The following HORMAD2 variants were observed in gnomAD, a reference collection of about 807,000 sequenced individuals.
HORMAD2 encodes HORMA domain-containing protein 2.
A neutral mutation model predicts 38.8 loss-of-function variants in HORMAD2; 45 were observed. The observed-to-expected ratio is 1.16, with a 90% CI of 0.91 to 1.49. HORMAD2 has a LOEUF of 1.49. Among genes scored for constraint, HORMAD2 ranks in the 40% most tolerant of loss-of-function variants. The pLI is 0.00. For synonymous variants in HORMAD2, 126 were observed against 122.8 expected (o/e 1.03, Z -0.17); for missense variants, 338 against 367.0 (o/e 0.92, Z 0.65).
At chr22:30,090,250 C>G (rs1469379097) in intron 1 of HORMAD2, among the ~76,000 whole-genome samples, 3 of 152,218 alleles carry the variant, frequency 2.0e-5, no homozygotes, top group African/African-American at 4.8e-5. Context: ...GTAGTCCCAG[C>G]TACTCGAGAG....
At chr22:30,122,797 G>T (rs911583546) in intron 10 of HORMAD2, among the ~76,000 whole-genome samples, 2 of 152,148 alleles carry the variant, frequency 1.3e-5, no homozygotes, top group African/African-American at 2.4e-5. Context: ...CACCAATAGA[G>T]ACTTGGAGTT....
chr22:30,157,147 T>G (rs1925130556), intron 10 of HORMAD2, among the ~76,000 whole-genome samples: 1 of 152,112 alleles, frequency 6.6e-6, no homozygotes, highest in African/African-American at 2.4e-5. Flanking sequence ...TTGGAGACCA[T>G]GAAAGGGAAA....
downstream of HORMAD2, among the ~76,000 whole-genome samples, chr22:30,181,689 T>C (rs1350300492): frequency 1.3e-5 from 2 of 152,202 alleles, no homozygotes; most frequent in African/African-American, 4.8e-5. Flanking sequence ...ACAGACACAT[T>C]CTGTGTTGTT....
At chr22:30,103,569 C>T in intron 4 of HORMAD2, 69 bp downstream of exon 4, 1 of 627,962 alleles carries the variant, frequency 1.6e-6, no homozygotes, top group Non-Finnish European at 2.7e-6. Context: ...ACCCATAAGA[C>T]TTTATTTAGT....
intron 10 of HORMAD2, among the ~76,000 whole-genome samples, chr22:30,173,847 C>T (rs562246897): frequency 1.9e-4 from 29 of 152,026 alleles, no homozygotes; most frequent in African/African-American, 6.5e-4. Flanking sequence ...TTAAAGGGAG[C>T]GAATAAAGGA....
intron 5 of HORMAD2, among the ~76,000 whole-genome samples, chr22:30,107,871 GA>G (rs1303986177): frequency 6.9e-6 from 1 of 145,002 alleles, no homozygotes; most frequent in Non-Finnish European, 1.5e-5. Flanking sequence ...AATTTTGTGT[GA>G]TTTTTTTTTT....
intron 10 of HORMAD2, among the ~76,000 whole-genome samples, chr22:30,143,789 G>A (rs914521611): frequency 6.6e-6 from 1 of 152,154 alleles, no homozygotes; most frequent in Admixed American, 6.6e-5. Context: ...CCTGATGGGA[G>A]GTGTTTGGGT....
chr22:30,112,509 C>T lies in HORMAD2; in HGVS notation c.329C>T (p.Pro110Leu). The change falls in exon 7 of 11, where the codon CCC becomes CTC. Residue 110 changes from proline (P) to leucine (L), a missense_variant. Transcript: ENST00000336726. ...RMAVLTLYTD[P>L]MGSEKVTEMY... is the part of the protein sequence containing the mutation. ...TCCCTTATACAGCTTTACACAGATC[C>T]CATGGGATCTGAGGTAAGAACACAC... 2 of 1,390,302 alleles carry T rather than the reference C, an allele frequency of 1.4e-6. No individual in the cohort carries two copies. The highest frequency in any genetic ancestry group is 2.9e-5 in the East Asian group (1 of 34,758). 86.1% of individuals were successfully genotyped at this position (1,390,302 alleles called of 1,614,324 possible).
chr22:30,100,677 A>G (rs1297785124), intron 3 of HORMAD2, among the ~76,000 whole-genome samples: 1 of 152,244 alleles, frequency 6.6e-6, no homozygotes, highest in Non-Finnish European at 1.5e-5. Context: ...AATGTTTCCA[A>G]TCTATCCATC....
At chr22:30,199,576 G>A in the HORMAD2 span, among the ~76,000 whole-genome samples, 1 of 152,160 alleles carries the variant, frequency 6.6e-6, no homozygotes, top group Non-Finnish European at 1.5e-5. Context: ...GGTAACAGAC[G>A]TCAACTAGCA....
intron 10 of HORMAD2, among the ~76,000 whole-genome samples, chr22:30,124,943 C>A (rs1469319761): frequency 6.6e-6 from 1 of 152,092 alleles, no homozygotes; most frequent in Non-Finnish European, 1.5e-5. Flanking sequence ...GTTTATGTTT[C>A]CTGCCAGTCT....
intron 10 of HORMAD2, among the ~76,000 whole-genome samples, chr22:30,125,977 G>A (rs1432857209): frequency 6.6e-6 from 1 of 152,084 alleles, no homozygotes; most frequent in East Asian, 1.9e-4. Context: ...CTTTGTCTTT[G>A]TCACAACCCT....
chr22:30,089,989 T>C (rs2068653141), intron 1 of HORMAD2, among the ~76,000 whole-genome samples: 1 of 152,252 alleles, frequency 6.6e-6, no homozygotes, highest in African/African-American at 2.4e-5. Context: ...TTTGTCCTTT[T>C]ATGTCTGGCT....
intron 10 of HORMAD2, among the ~76,000 whole-genome samples, chr22:30,133,643 A>C (rs1923437301): frequency 6.8e-6 from 1 of 147,428 alleles, no homozygotes; most frequent in Non-Finnish European, 1.5e-5. Context: ...TGTTAAAAAC[A>C]AAAAACAAAA....
At chr22:30,098,709 A>G (rs1920925385) in intron 2 of HORMAD2, 143 bp from the exon 3 acceptor site, 1 of 604,744 alleles carries the variant, frequency 1.7e-6, no homozygotes, top group Admixed American at 3.6e-5. Flanking sequence ...TGTAATATTC[A>G]AAGCGCTATT....
chr22:30,197,706 C>A, the HORMAD2 span, among the ~76,000 whole-genome samples: 1 of 151,966 alleles, frequency 6.6e-6, no homozygotes, highest in African/African-American at 2.4e-5. Flanking sequence ...TGAGGAAGCC[C>A]TAGTTTATTT....
chr22:30,103,349 G>A, intron 3 of HORMAD2, 88 bp from the exon 4 acceptor site: 1 of 736,162 alleles, frequency 1.4e-6, no homozygotes, highest in Non-Finnish European at 2.3e-6. Flanking sequence ...AAATAAAATA[G>A]TTAAAGGAAA....
At chr22:30,091,910 T>C (rs1410737610) in intron 1 of HORMAD2, among the ~76,000 whole-genome samples, 2 of 152,126 alleles carry the variant, frequency 1.3e-5, no homozygotes, top group East Asian at 3.8e-4. Flanking sequence ...GGAGTCTTGC[T>C]CTGTTGCCCA....
At position 30,176,424 on chromosome 22, in the gene HORMAD2, TTTATA is replaced by T. The variant is rs1480461770; in HGVS notation, c.*265_*269del. On this transcript the variant is annotated 3_prime_UTR_variant, in exon 11 of 11. Coordinates refer to ENST00000336726, the MANE Select transcript of HORMAD2 (RefSeq NM_152510.4). ...AAGCTGGGTTAGAGATGAGGCACCT[TTTATA>T]TTATATTTGTAAAAGAACCACAGCA... The T allele has an allele frequency of 2.8e-6, 1 of 360,222 alleles. No homozygotes were observed. Among genetic ancestry groups the T allele is most frequent in the African/African-American group, 2.1e-5 (1 of 47,474 alleles). 22.3% of individuals were successfully genotyped at this position (360,222 alleles called of 1,614,324 possible). A position where few individuals can be genotyped will look rare whatever the true frequency, so the allele number is the denominator to read the frequency against.
Sources: gnomAD v4.1 joint callset for allele counts (sites outside exome capture counted in the v4.1 genomes callset) on GRCh38, gnomAD v4.1.1 for gene constraint, MANE v1.5 for transcripts, NCBI Gene and HGNC (gene_info 2026-07-23, HGNC 2026-07-21) for gene names.